The following KLRK1 variants were observed in gnomAD, a reference collection of about 807,000 sequenced individuals.
KLRK1 encodes the protein killer cell lectin like receptor K1, also known as NKG2-D type II integral membrane protein.
Under a neutral mutation model 31.3 loss-of-function variants are expected in KLRK1, and 40 were observed. The observed-to-expected ratio is 1.28, with a 90% confidence interval of 0.99 to 1.67. The LOEUF is 1.67. Among genes scored for constraint, KLRK1 ranks in the 40% most tolerant of loss-of-function variants. The probability of loss-of-function intolerance (pLI) is 0.00; values close to 1 mark genes in which losing one functional copy is unlikely to be tolerated. For synonymous variants in KLRK1, 77 were observed against 77.3 expected (o/e 1.00, Z 0.02); for missense variants, 251 against 260.0 (o/e 0.97, Z 0.24).
At chr12:10,378,412 A>G in intron 6 of KLRK1, 142 bp downstream of exon 6, 1 of 1,421,248 alleles carries the variant, frequency 7.0e-7, no homozygotes, top group East Asian at 2.4e-5. Context: ...GTGCTTTGTT[A>G]TTTTCAATGA....
At chr12:10,381,662 A>G (rs1863077721) in intron 3 of KLRK1, among the ~76,000 whole-genome samples, 1 of 152,258 alleles carries the variant, frequency 6.6e-6, no homozygotes, top group Non-Finnish European at 1.5e-5. Flanking sequence ...TTTAGTGATT[A>G]TCTTCTCACA....
At chr12:10,387,317 G>A (rs1330492701) in intron 2 of KLRK1, among the ~76,000 whole-genome samples, 1 of 152,084 alleles carries the variant, frequency 6.6e-6, no homozygotes, top group Admixed American at 6.6e-5. Context: ...TAGTGAAAAG[G>A]CAGATGTAGG....
Position 10,372,498 on chromosome 12 carries a change from A to G in KLRK1, c.*616T>C, listed in dbSNP as rs1862880157. On this transcript the variant is annotated 3_prime_UTR_variant, in exon 8 of 8. Transcript: ENST00000240618. ...TTACTATTCCAAAAGGAAGAAAGAG[A>G]GGAAGAGAAACAGTCATGGGACTCA... 6.5e-6 allele frequency: 1 copy of G among 152,674 alleles called. No homozygotes were observed. The highest frequency in any genetic ancestry group is 1.5e-5 in the Non-Finnish European group (1 of 68,354). 9.5% of individuals were successfully genotyped at this position (152,674 alleles called of 1,614,324 possible).
chr12:10,374,136 C>CGTAA (rs1478493694), intron 7 of KLRK1: 1 of 152,192 alleles, frequency 6.6e-6, no homozygotes, highest in Non-Finnish European at 1.5e-5. Flanking sequence ...GTGTCAGTTT[C>CGTAA]GTAAGTAGCT....
chr12:10,381,419 C>G (rs1863072733), intron 3 of KLRK1, among the ~76,000 whole-genome samples: 1 of 152,030 alleles, frequency 6.6e-6, no homozygotes, highest in Non-Finnish European at 1.5e-5. Context: ...TATCTGGAAG[C>G]AAAAGGACAA....
chr12:10,388,727 A>G (rs761331825), intron 2 of KLRK1, 44 bp downstream of exon 2: 1 of 1,612,822 alleles, frequency 6.2e-7, no homozygotes. Flanking sequence ...GTATCTTAAA[A>G]TTGTATAAAA....
intron 7 of KLRK1, among the ~76,000 whole-genome samples, chr12:10,374,775 T>C (rs965558688): frequency 6.6e-6 from 1 of 152,192 alleles, no homozygotes; most frequent in Admixed American, 6.5e-5. Flanking sequence ...AGTACCTAAC[T>C]AACTACACTG....
intron 3 of KLRK1, among the ~76,000 whole-genome samples, chr12:10,384,279 GACTGAATA>G (rs1863127819): frequency 1.3e-5 from 2 of 151,854 alleles, no homozygotes; most frequent in African/African-American, 4.8e-5. Context: ...TACCACAAAA[GACTGAATA>G]GCCAAAGCAA....
chr12:10,385,610 TA>T (rs1277399062), intron 3 of KLRK1, among the ~76,000 whole-genome samples: 2 of 151,886 alleles, frequency 1.3e-5, no homozygotes, highest in Admixed American at 6.6e-5. Flanking sequence ...CTAGAAAGAA[TA>T]GGGGGGAGGA....
chr12:10,378,211 A>T lies in KLRK1; in HGVS notation c.454T>A (p.Tyr152Asn). ...DQDLLKLVKS[Y>N]HWMGLVHIPT... Reference sequence around the variant, plus strand: ...ATGTGTACTAGTCCCATCCAATGATATGACTTCACCAGTTTAAGTAAATCC... The same window carrying T: ...ATGTGTACTAGTCCCATCCAATGATTTGACTTCACCAGTTTAAGTAAATCC... Residue 152 changes from tyrosine to asparagine, a missense_variant, in exon 7 of 8, where the codon TAT (tyrosine) becomes AAT (asparagine). Transcript: ENST00000240618. 1 of 1,613,790 alleles carries T rather than the reference A, an allele frequency of 6.2e-7. No individual in the cohort carries two copies. The highest frequency in any genetic ancestry group is 1.7e-4 in the Middle Eastern group (1 of 6,060).
At position 10,379,790 on chromosome 12, in the gene KLRK1, A is replaced by T. The variant is rs1186779839; in HGVS notation, c.151T>A (p.Ser51Thr). The change falls in exon 4 of 8, where the codon TCT (serine) becomes ACT (threonine). Residue 51 changes from serine (S) to threonine (T), a missense_variant and splice_region_variant. Transcript: ENST00000240618. ...ATGAAGCAGCAGAAAAAAAATGGAG[A>T]TGCTGTCAAAGAAAAAAGACACAGA... ...VVKSKCRENA[S>T]PFFFCCFIAV... 6.2e-7 allele frequency: 1 copy of T among 1,610,536 alleles called. No individual in the cohort carries two copies. The highest frequency in any genetic ancestry group is 1.3e-5 in the African/African-American group (1 of 74,840).
At chr12:10,378,305 C>T in intron 6 of KLRK1, 70 bp from the exon 7 acceptor site, 1 of 1,505,678 alleles carries the variant, frequency 6.6e-7, no homozygotes, top group Admixed American at 1.8e-5. Flanking sequence ...AAGACCATAA[C>T]CATTTCATCT....
intron 7 of KLRK1, among the ~76,000 whole-genome samples, chr12:10,376,171 A>T (rs796675103): frequency 9.2e-5 from 14 of 152,348 alleles, no homozygotes; most frequent in African/African-American, 3.1e-4. Flanking sequence ...GCCTGTTTCT[A>T]CCAGCCATAT....
At chr12:10,379,422 TA>T in intron 5 of KLRK1, 24 bp downstream of exon 5, 1 of 1,370,534 alleles carries the variant, frequency 7.3e-7, no homozygotes, top group Non-Finnish European at 1.0e-6. Context: ...ATATATGATC[TA>T]AAATATTTTA....
intron 5 of KLRK1, 82 bp downstream of exon 5, chr12:10,379,365 T>C (rs1863026773): frequency 3.5e-6 from 3 of 856,568 alleles, no homozygotes; most frequent in Non-Finnish European, 5.0e-6. Context: ...TTTCCTTTTT[T>C]AATCATGGAA....
intron 4 of KLRK1, 75 bp from the exon 5 acceptor site, chr12:10,379,557 T>C: frequency 7.6e-7 from 1 of 1,314,554 alleles, no homozygotes; most frequent in Non-Finnish European, 1.0e-6. Flanking sequence ...AGTTTACAAA[T>C]TTCTGGACTA....
intron 5 of KLRK1, chr12:10,379,048 G>A (rs999568316): frequency 1.0e-5 from 2 of 191,058 alleles, no homozygotes; most frequent in Non-Finnish European, 1.1e-5. Context: ...CAGCTACTTG[G>A]AAGCTGAGGC....
chr12:10,377,616 G>C (rs1862990698), intron 7 of KLRK1, among the ~76,000 whole-genome samples: 1 of 152,026 alleles, frequency 6.6e-6, no homozygotes, highest in Non-Finnish European at 1.5e-5. Flanking sequence ...ACTGGAAAGA[G>C]AAAGAGGTAA....
rs1404169631 is a variant in KLRK1 at position 10,373,136 on chromosome 12, A to C, written c.629T>G (p.Ile210Ser). The change falls in exon 8 of 8, where the codon ATC (isoleucine) becomes AGC (serine). Residue 210 changes from isoleucine (I) to serine (S), a missense_variant. Coordinates refer to ENST00000240618, the MANE Select transcript of KLRK1 (RefSeq NM_007360.4). ...TCTTTACACAGTCCTTTGCATGCAGATGTACGTATTTGGAGTTGAACAGTT... is the reference window on the plus strand; with the variant it reads ...TCTTTACACAGTCCTTTGCATGCAGCTGTACGTATTTGGAGTTGAACAGTT... ...IENCSTPNTY[I>S]CMQRTV The C allele has an allele frequency of 6.2e-7, 1 of 1,612,592 alleles. No individual in the cohort carries two copies. Among genetic ancestry groups the C allele is most frequent in the East Asian group, 2.2e-5 (1 of 44,780 alleles).
Sources: allele counts gnomAD v4.1 joint callset (sites outside exome capture counted in the v4.1 genomes callset), GRCh38; gene constraint gnomAD v4.1.1; transcripts MANE v1.5; gene names NCBI Gene and HGNC (gene_info 2026-07-23, HGNC 2026-07-21).